The following CASTOR2 variants were observed in gnomAD, a reference collection of about 807,000 sequenced individuals.
CASTOR2 encodes cytosolic arginine sensor for mTORC1 subunit 2.
A neutral mutation model predicts 31.2 loss-of-function variants in CASTOR2; 8 were observed. The ratio of observed to expected loss-of-function variants is 0.26; its 90% CI spans 0.15 to 0.46. CASTOR2 has a LOEUF of 0.46. Ranked by LOEUF, CASTOR2 falls within the 20% of genes least tolerant of loss-of-function variation. The pLI is 0.99. For missense variants in CASTOR2, 216 were observed against 382.1 expected (o/e 0.57, Z 3.62); for synonymous variants, 162 against 158.7 (o/e 1.02, Z -0.16).
At chr7:74,991,346 A>G (rs1554437327) in intron 1 of CASTOR2, among the ~76,000 whole-genome samples, 1 of 152,180 alleles carries the variant, frequency 6.6e-6, no homozygotes, top group Non-Finnish European at 1.5e-5. Flanking sequence ...AGCCGGGACA[A>G]GGAGTGGGCC....
At chr7:75,024,080 C>A (rs1805068663) in intron 7 of CASTOR2, among the ~76,000 whole-genome samples, 1 of 151,988 alleles carries the variant, frequency 6.6e-6, no homozygotes, top group African/African-American at 2.4e-5. Context: ...TTGAGTACAG[C>A]AGTTCGATAC....
chr7:75,021,022 C>T (rs1314195770), intron 6 of CASTOR2, among the ~76,000 whole-genome samples: 1 of 151,830 alleles, frequency 6.6e-6, no homozygotes, highest in Non-Finnish European at 1.5e-5. Flanking sequence ...GACAGGGTCT[C>T]ACTCTGTTGC....
In CASTOR2 at chr7:75,008,146, C is replaced by T; in HGVS notation, c.184+82C>T. 8 of 1,451,020 alleles carry T rather than the reference C, an allele frequency of 5.5e-6. No individual in the cohort carries two copies. The South Asian group carries it at 8.1e-5, about 15-fold the overall frequency. The allele number at this position is 1,451,020 out of a possible 1,614,324, so 89.9% of individuals were successfully genotyped here. ...CTGCCCACCTCCTTATTTCTGTCCC[C>T]CGCCCACCTCCTTATTTCTGCCCCC... On this transcript the variant is annotated intron_variant, in intron 2 of 8. Transcript: ENST00000616305.
At chr7:75,008,434 C>T (rs1361427222) in intron 2 of CASTOR2, among the ~76,000 whole-genome samples, 54 of 152,288 alleles carry the variant, frequency 3.5e-4, no homozygotes, top group Admixed American at 5.9e-4. Flanking sequence ...TTCAGTCGGG[C>T]GCAGTGGCTC....
chr7:75,015,387 A>C (rs1453529207), intron 2 of CASTOR2, among the ~76,000 whole-genome samples: 2 of 152,016 alleles, frequency 1.3e-5, no homozygotes, highest in Admixed American at 6.6e-5. Flanking sequence ...CTCCCACCTC[A>C]ACCTCCCAAG....
At chr7:75,008,691 A>C (rs1338776174) in intron 2 of CASTOR2, among the ~76,000 whole-genome samples, 10 of 152,132 alleles carry the variant, frequency 6.6e-5, no homozygotes, top group African/African-American at 1.4e-4. Context: ...GCGAAACTCT[A>C]TCTCTTAAAA....
At chr7:75,005,634 C>T (rs1469966219) in intron 1 of CASTOR2, among the ~76,000 whole-genome samples, 3 of 152,154 alleles carry the variant, frequency 2.0e-5, no homozygotes, top group African/African-American at 7.2e-5. Flanking sequence ...TCTCACTTCT[C>T]GCGGATGAAT....
Position 75,030,774 on chromosome 7 carries a change from C to G in CASTOR2, c.*6075C>G, listed in dbSNP as rs1292807423. Reference sequence around the variant, plus strand: ...CACACGCCGTTGCCTCCACCATGCTCTGGTTTGATACAGCCCAGCTCTGAT... The same window carrying G: ...CACACGCCGTTGCCTCCACCATGCTGTGGTTTGATACAGCCCAGCTCTGAT... On this transcript the variant is annotated 3_prime_UTR_variant, in exon 9 of 9. Coordinates refer to ENST00000616305, the MANE Select transcript of CASTOR2 (RefSeq NM_001145064.3). Among the ~76,000 whole-genome samples, 1 of 152,208 alleles carries G rather than the reference C, an allele frequency of 6.6e-6. No individual in the cohort carries two copies. Among genetic ancestry groups the G allele is most frequent in the Non-Finnish European group, 1.5e-5 (1 of 68,030 alleles).
chr7:75,001,967 A>G (rs1460036821), intron 1 of CASTOR2, among the ~76,000 whole-genome samples: 1 of 152,208 alleles, frequency 6.6e-6, no homozygotes, highest in Non-Finnish European at 1.5e-5. Flanking sequence ...CAGTGGCCTG[A>G]AAGTCATCCA....
intron 2 of CASTOR2, among the ~76,000 whole-genome samples, chr7:75,012,811 G>C (rs1804784544): frequency 6.6e-6 from 1 of 151,576 alleles, no homozygotes; most frequent in African/African-American, 2.4e-5. Context: ...GCTAATTTTT[G>C]TATTTTTAGT....
intron 6 of CASTOR2, 48 bp downstream of exon 6, chr7:75,020,197 G>A (rs2131955906): frequency 6.6e-7 from 1 of 1,508,510 alleles, no homozygotes; most frequent in African/African-American, 1.4e-5. Context: ...GGGCCCCAGG[G>A]TCTGGGGGGA....
chr7:75,002,100 A>T (rs1481755388), intron 1 of CASTOR2, among the ~76,000 whole-genome samples: 13 of 151,628 alleles, frequency 8.6e-5, no homozygotes, highest in African/African-American at 2.7e-4. Context: ...TATTTTTTGA[A>T]TTTTTAGTAG....
intron 1 of CASTOR2, among the ~76,000 whole-genome samples, chr7:75,000,936 T>A (rs1329621089): frequency 1.3e-5 from 2 of 152,044 alleles, no homozygotes; most frequent in African/African-American, 4.8e-5. Flanking sequence ...GTGCTGGCAT[T>A]ACAGGCATGA....
intron 1 of CASTOR2, among the ~76,000 whole-genome samples, chr7:74,995,259 C>A (rs1393528174): frequency 4.0e-5 from 6 of 151,744 alleles, no homozygotes; most frequent in African/African-American, 1.2e-4. Flanking sequence ...GACTAAGAAG[C>A]CAAGTATGAA....
At chr7:75,002,788 C>T (rs1181158885) in intron 1 of CASTOR2, among the ~76,000 whole-genome samples, 101 of 151,814 alleles carry the variant, frequency 6.7e-4, no homozygotes, top group African/African-American at 2.2e-3. Flanking sequence ...GAGTGACCTT[C>T]GAGTATAGAA....
chr7:75,008,344 C>T (rs1162997526), intron 2 of CASTOR2, among the ~76,000 whole-genome samples: 4 of 152,120 alleles, frequency 2.6e-5, no homozygotes, highest in Admixed American at 6.6e-5. Context: ...GTAGGTACGG[C>T]GCTACCCAGC....
chr7:75,020,019 C>T lies in CASTOR2; in HGVS notation c.636-20C>T. 1 of 1,550,758 alleles carries T rather than the reference C, an allele frequency of 6.4e-7. No homozygotes were observed. Among genetic ancestry groups the T allele is most frequent in the East Asian group, 2.4e-5 (1 of 40,912 alleles). ...GGGGCCACAGGGGCCCCATCTTTAC[C>T]AGCTGCCTCTGGTCCCCAGAGTGAA... On this transcript the variant is annotated intron_variant, in intron 5 of 8. Transcript: ENST00000616305.
chr7:74,987,985 GGT>G (rs1167939430), intron 1 of CASTOR2, among the ~76,000 whole-genome samples: 3 of 151,238 alleles, frequency 2.0e-5, no homozygotes, highest in African/African-American at 7.3e-5. Flanking sequence ...TGGGATTATA[GGT>G]GTGAGTCACT....
Position 75,029,734 on chromosome 7 carries a change from G to A in CASTOR2, c.*5035G>A, listed in dbSNP as rs1400120028. Among the ~76,000 whole-genome samples, 1 of 152,198 alleles carries A rather than the reference G, an allele frequency of 6.6e-6. No individual in the cohort carries two copies. The highest frequency in any genetic ancestry group is 1.5e-5 in the Non-Finnish European group (1 of 68,034). On this transcript the variant is annotated 3_prime_UTR_variant, in exon 9 of 9. Coordinates refer to ENST00000616305, the MANE Select transcript of CASTOR2 (RefSeq NM_001145064.3). ...AACCTTCTAGTCCGCTCCGAGCAGG[G>A]CCTGGAGCATTGGAGACATTGGTTA...
Sources: gnomAD v4.1 joint callset for allele counts (sites outside exome capture counted in the v4.1 genomes callset) on GRCh38, gnomAD v4.1.1 for gene constraint, MANE v1.5 for transcripts, NCBI Gene and HGNC (gene_info 2026-07-23, HGNC 2026-07-21) for gene names.